Variants in EPHA3 observed in about 807,000 individuals in gnomAD.
EPHA3 encodes ephrin type-A receptor 3.
In EPHA3, 42 loss-of-function variants were observed where a neutral mutation model predicts 107.1. The observed-to-expected ratio is 0.39, with a 90% CI of 0.31 to 0.51. The LOEUF (loss-of-function observed/expected upper bound fraction) is 0.51, where lower values mean the gene tolerates loss of function less well. Among genes scored for constraint, EPHA3 ranks in the 20% least tolerant of loss-of-function variants. The pLI is 0.78. For synonymous variants in EPHA3, 461 were observed against 424.8 expected, an observed-to-expected ratio of 1.09 and a Z score of -1.05; for missense variants, 1,183 against 1,211.2, an observed-to-expected ratio of 0.98 and a Z score of 0.35.
intron 13 of EPHA3, among the ~76,000 whole-genome samples, chr3:89,446,824 T>C (rs1273764246): frequency 1.3e-5 from 2 of 152,138 alleles, no homozygotes; most frequent in Non-Finnish European, 2.9e-5. Context: ...AGTATACTTA[T>C]ACGCTTTCAG....
intron 1 of EPHA3, among the ~76,000 whole-genome samples, chr3:89,124,687 G>T (rs1178405312): frequency 1.3e-5 from 2 of 151,906 alleles, no homozygotes; most frequent in Non-Finnish European, 2.9e-5. Context: ...ATAAACTCAT[G>T]GTGGATTTAA....
At chr3:89,192,742 G>A (rs1427702451) in intron 2 of EPHA3, among the ~76,000 whole-genome samples, 2 of 151,952 alleles carry the variant, frequency 1.3e-5, no homozygotes, top group Non-Finnish European at 2.9e-5. Flanking sequence ...ACTGGTATAT[G>A]TTACCATTTT....
At chr3:89,298,078 C>T (rs1271848014) in intron 3 of EPHA3, among the ~76,000 whole-genome samples, 2 of 151,990 alleles carry the variant, frequency 1.3e-5, no homozygotes, top group Non-Finnish European at 2.9e-5. Flanking sequence ...CACCTAACGC[C>T]CCATGAATCT....
chr3:89,107,872 C>T (rs758200579), intron 1 of EPHA3, 36 bp downstream of exon 1: 2 of 1,592,704 alleles, frequency 1.3e-6, no homozygotes, highest in African/African-American at 1.3e-5. Context: ...AGCTCTGCCC[C>T]GCGGGGCTCA....
At position 89,459,742 on chromosome 3, in the gene EPHA3, C is replaced by T. The variant is rs1293866726; in HGVS notation, c.2690+9372C>T. 4.6e-5 allele frequency among the ~76,000 whole-genome samples: 7 copies of T among 152,148 alleles called. No homozygotes were observed. The East Asian group carries it at 7.7e-4, about 17-fold the overall frequency. On this transcript the variant is annotated intron_variant, in intron 15 of 16. Coordinates refer to ENST00000336596, the MANE Select transcript of EPHA3 (RefSeq NM_005233.6). ...TTCACCGTGTTGACCAGGCTGGTCT[C>T]GAACTCCTGACCTCAGGTGATCCAC...
Position 89,333,263 on chromosome 3 carries a change from C to T in EPHA3, c.815-7653C>T, listed in dbSNP as rs573215341. Among the ~76,000 whole-genome samples the T allele has an allele frequency of 1.6e-4, 25 of 152,266 alleles. No homozygotes were observed. The South Asian group carries it at 5.2e-3, about 32-fold the overall frequency. On this transcript the variant is annotated intron_variant, in intron 3 of 16. Transcript: ENST00000336596. ...GCTATTTTACCCCCATATGGGCCCA[C>T]AGTGTTTAGTTCCTGTTTTATTGTT... is the stretch of plus-strand genomic sequence containing the variant.
At chr3:89,130,685 A>G (rs1249896750) in intron 2 of EPHA3, among the ~76,000 whole-genome samples, 1 of 141,218 alleles carries the variant, frequency 7.1e-6, no homozygotes, top group Non-Finnish European at 1.5e-5. Flanking sequence ...CCCAGGCTGG[A>G]GCGCTGTGGC....
At chr3:89,316,435 T>C (rs1432130084) in intron 3 of EPHA3, among the ~76,000 whole-genome samples, 3 of 149,832 alleles carry the variant, frequency 2.0e-5, no homozygotes, top group Non-Finnish European at 1.5e-5. Context: ...TGACAACATC[T>C]GGTACAATAC....
chr3:89,305,920 A>G (rs1706609953), intron 3 of EPHA3, among the ~76,000 whole-genome samples: 1 of 152,158 alleles, frequency 6.6e-6, no homozygotes, highest in Non-Finnish European at 1.5e-5. Context: ...GGAAAGTTCT[A>G]TTTCCTAGAG....
chr3:89,244,773 A>C (rs1704992196), intron 3 of EPHA3, among the ~76,000 whole-genome samples: 2 of 152,204 alleles, frequency 1.3e-5, no homozygotes, highest in South Asian at 2.1e-4. Context: ...CTTCAGCTAT[A>C]TGCCACACAG....
chr3:89,467,136 C>T (rs946991092), intron 15 of EPHA3, among the ~76,000 whole-genome samples: 21 of 151,968 alleles, frequency 1.4e-4, no homozygotes, highest in South Asian at 4.1e-4. Flanking sequence ...TCAAGGTCAT[C>T]GGCAATCAAC....
intron 2 of EPHA3, among the ~76,000 whole-genome samples, chr3:89,166,453 A>G (rs1705068621): frequency 6.6e-6 from 1 of 152,178 alleles, no homozygotes; most frequent in Non-Finnish European, 1.5e-5. Context: ...AAAATGATAT[A>G]AAGTCTTTAA....
At chr3:89,220,299 A>G (rs1704341437) in intron 3 of EPHA3, among the ~76,000 whole-genome samples, 1 of 152,216 alleles carries the variant, frequency 6.6e-6, no homozygotes, top group East Asian at 1.9e-4. Context: ...ACATTCGTTC[A>G]GGAATTTTCT....
chr3:89,224,554 G>A (rs1704454757), intron 3 of EPHA3, among the ~76,000 whole-genome samples: 1 of 151,956 alleles, frequency 6.6e-6, no homozygotes, highest in Middle Eastern at 3.2e-3. Context: ...CTCTTATAAA[G>A]CATACACTTT....
In EPHA3 at chr3:89,341,140, T is replaced by C. The variant is rs754612169; in HGVS notation, c.970+69T>C. 3.0e-4 allele frequency: 455 copies of C among 1,494,452 alleles called. 1 individual carries two copies. In the Middle Eastern group the frequency reaches 5.9e-3, roughly 19 times the overall value. The allele number at this position is 1,494,452 out of a possible 1,614,324, so 92.6% of individuals were successfully genotyped here. A position where few individuals can be genotyped will look rare whatever the true frequency, so the allele number is the denominator to read the frequency against. On this transcript the variant is annotated intron_variant, in intron 4 of 16. Transcript: ENST00000336596. ...TTTCTTCTTGTTACTGTGCTGTTTG[T>C]TTTTGTTTTAAAGCATTTGGCCCAT...
intron 5 of EPHA3, among the ~76,000 whole-genome samples, chr3:89,386,119 A>G (rs537265178): frequency 3.9e-5 from 6 of 152,168 alleles, no homozygotes; most frequent in Admixed American, 1.3e-4. Context: ...AAGTTAGGAA[A>G]ATTTGCAGCC....
chr3:89,360,292 A>G (rs1043595034), intron 5 of EPHA3, among the ~76,000 whole-genome samples: 1 of 151,012 alleles, frequency 6.6e-6, no homozygotes, highest in African/African-American at 2.4e-5. Flanking sequence ...CTTGCCAAAA[A>G]TTTATGACTA....
rs557473934 is a variant in EPHA3, at chr3:89,385,943, G to A, written c.1307-9894G>A. Among the ~76,000 whole-genome samples the A allele has an allele frequency of 5.9e-5, 9 of 152,280 alleles. 1 individual carries two copies. The highest frequency in any genetic ancestry group is 5.9e-4 in the Admixed American group (9 of 15,294). On this transcript the variant is annotated intron_variant, in intron 5 of 16. Coordinates refer to ENST00000336596, the MANE Select transcript of EPHA3 (RefSeq NM_005233.6). ...CTCAGATGGAGATGAGGAACTTGTT[G>A]GCAGCCGGAATAAAGTGCTTCTTTT...
At chr3:89,179,267 C>T (rs1705384666) in intron 2 of EPHA3, among the ~76,000 whole-genome samples, 1 of 151,996 alleles carries the variant, frequency 6.6e-6, no homozygotes, top group Non-Finnish European at 1.5e-5. Context: ...TTATACTGAT[C>T]TCTGATATCT....
Sources: gnomAD v4.1 joint callset for allele counts (sites outside exome capture counted in the v4.1 genomes callset) on GRCh38, gnomAD v4.1.1 for gene constraint, MANE v1.5 for transcripts, NCBI Gene and HGNC (gene_info 2026-07-23, HGNC 2026-07-21) for gene names.